The following HHIPL1 variants were observed in gnomAD, a reference collection of about 807,000 sequenced individuals.
The protein encoded by HHIPL1 is HHIP like 1.
Under a neutral mutation model 61.8 loss-of-function variants are expected in HHIPL1, and 43 were observed. That is an observed-to-expected ratio of 0.70 (90% CI 0.55 to 0.90). The LOEUF (loss-of-function observed/expected upper bound fraction) is 0.90. Ranked by LOEUF, HHIPL1 falls within the 40% of genes least tolerant of loss-of-function variation. HHIPL1 has a pLI of 0.00. For synonymous variants in HHIPL1, 482 were observed against 515.8 expected (o/e 0.93, Z 0.89); for missense variants, 1,056 against 1,157.7 (o/e 0.91, Z 1.28).
At chr14:99,631,041 G>A in the HHIPL1 span, among the ~76,000 whole-genome samples, 1 of 139,944 alleles carries the variant, frequency 7.1e-6, no homozygotes, top group African/African-American at 2.6e-5. Flanking sequence ...CATCTGCAGT[G>A]GCTCCATTTT....
chr14:99,652,905 G>A lies in HHIPL1; in HGVS notation c.902+35G>A, dbSNP rs757813297. ...TTGGGGAACCCGGGCCTGGGTGGGGGCAGGCACCCATATGCACTGGTGTGA... is the reference window on the plus strand; with the variant it reads ...TTGGGGAACCCGGGCCTGGGTGGGGACAGGCACCCATATGCACTGGTGTGA... On this transcript the variant is annotated intron_variant, in intron 2 of 8. Coordinates refer to ENST00000330710, the MANE Select transcript of HHIPL1 (RefSeq NM_001127258.3). 6.9e-6 allele frequency: 11 copies of A among 1,592,506 alleles called. No individual in the cohort carries two copies. In the East Asian group the frequency reaches 2.2e-4, roughly 32 times the overall value.
At chr14:99,620,473 G>T in the HHIPL1 span, among the ~76,000 whole-genome samples, 5 of 152,238 alleles carry the variant, frequency 3.3e-5, no homozygotes, top group Non-Finnish European at 5.9e-5. Flanking sequence ...CCAGGTCAGG[G>T]TCCCTGGCTG....
chr14:99,628,781 G>A, the HHIPL1 span, among the ~76,000 whole-genome samples: 1 of 152,028 alleles, frequency 6.6e-6, no homozygotes, highest in Non-Finnish European at 1.5e-5. Flanking sequence ...AGCTTCCTGT[G>A]TGGCCTCAGC....
the HHIPL1 span, among the ~76,000 whole-genome samples, chr14:99,608,051 T>C: frequency 6.6e-6 from 1 of 152,006 alleles, no homozygotes; most frequent in Non-Finnish European, 1.5e-5. Context: ...AAGGAGTTTG[T>C]CGTCTTGTGG....
chr14:99,668,292 T>G lies in HHIPL1; in HGVS notation c.1719T>G (p.Ile573Met), dbSNP rs760680479. The change falls in exon 7 of 9, where the codon ATT (isoleucine) becomes ATG (methionine). Residue 573 changes from isoleucine (I) to methionine (M), a missense_variant. Physicochemically the swap from Ile to Met is conservative, Grantham distance 10 (BLOSUM62 1). Coordinates refer to ENST00000330710, the MANE Select transcript of HHIPL1 (RefSeq NM_001127258.3). The surrounding 1 kb of genome is among the most constrained non-coding windows in gnomAD (Gnocchi z 4.7). The part of the protein sequence containing the change: ...TAPRGVVYKI[I>M]DASRRAPPGK... ...CACGCGGAGTTGTCTACAAAATAAT[T>G]GACGCATCCAGGTGAGTCCCAGCCT... is the stretch of plus-strand genomic sequence containing the variant. 1.1e-4 allele frequency: 172 copies of G among 1,608,026 alleles called. 1 individual carries two copies. The highest frequency in any genetic ancestry group is 1.4e-4 in the Non-Finnish European group (167 of 1,174,744).
At chr14:99,616,865 G>A in the HHIPL1 span, among the ~76,000 whole-genome samples, 17 of 152,144 alleles carry the variant, frequency 1.1e-4, no homozygotes, top group African/African-American at 9.6e-5. Flanking sequence ...GATCAGCCTT[G>A]TAAACCTTGC....
the HHIPL1 span, among the ~76,000 whole-genome samples, chr14:99,622,372 G>A: frequency 4.6e-5 from 7 of 152,184 alleles, no homozygotes; most frequent in African/African-American, 9.6e-5. Context: ...CCAGAGAGTC[G>A]TGGCCTCCCC....
chr14:99,671,616 G>A (rs1035409444), intron 7 of HHIPL1, among the ~76,000 whole-genome samples: 8 of 152,136 alleles, frequency 5.3e-5, no homozygotes, highest in East Asian at 1.9e-4. Flanking sequence ...ATCACAGATC[G>A]ACGGCCAAAA....
At chr14:99,669,979 A>G (rs1217385246) in intron 7 of HHIPL1, among the ~76,000 whole-genome samples, 1 of 152,218 alleles carries the variant, frequency 6.6e-6, no homozygotes, top group Non-Finnish European at 1.5e-5. Context: ...TGTAAAAACT[A>G]CAGTGTTTCC....
upstream of HHIPL1, among the ~76,000 whole-genome samples, chr14:99,640,329 G>A (rs1168913524): frequency 1.3e-5 from 2 of 152,236 alleles, no homozygotes; most frequent in Non-Finnish European, 2.9e-5. Context: ...CTGTCACCCA[G>A]GCTAGAGTGC....
chr14:99,623,399 T>C, the HHIPL1 span, among the ~76,000 whole-genome samples: 1 of 152,252 alleles, frequency 6.6e-6, no homozygotes, highest in South Asian at 2.1e-4. Context: ...AGTGGTGCAG[T>C]TGAGATGACA....
At chr14:99,641,241 G>A (rs2055747977), upstream of HHIPL1, among the ~76,000 whole-genome samples, 1 of 151,918 alleles carries the variant, frequency 6.6e-6, no homozygotes, top group South Asian at 2.1e-4. Context: ...TGCTGGTGAT[G>A]AATTTCTCCC....
At chr14:99,646,842 A>G (rs28725189) in intron 1 of HHIPL1, among the ~76,000 whole-genome samples, 1,270 of 96,754 alleles carry the variant, frequency 0.013, 21 homozygotes, top group African/African-American at 0.049. Flanking sequence ...GATATAATAT[A>G]ATATAATATA....
chr14:99,607,713 A>G, the HHIPL1 span, among the ~76,000 whole-genome samples: 2 of 152,030 alleles, frequency 1.3e-5, no homozygotes, highest in Admixed American at 1.3e-4. Flanking sequence ...CCAACCCCAG[A>G]GGCAGTACCA....
At chr14:99,606,540 G>A in the HHIPL1 span, among the ~76,000 whole-genome samples, 1,347 of 152,338 alleles carry the variant, frequency 8.8e-3, 17 homozygotes, top group African/African-American at 0.03. Context: ...CTCCCCGTTC[G>A]TGCATGGCTC....
At chr14:99,658,162 T>G (rs2056082850) in intron 3 of HHIPL1, among the ~76,000 whole-genome samples, 2 of 152,240 alleles carry the variant, frequency 1.3e-5, no homozygotes, top group African/African-American at 4.8e-5. Flanking sequence ...AGTGTAAGCA[T>G]CATCCCAGCT....
At chr14:99,663,107 G>A in intron 6 of HHIPL1, 86 bp downstream of exon 6, 2 of 1,326,990 alleles carry the variant, frequency 1.5e-6, no homozygotes, top group South Asian at 3.1e-5. Context: ...CTCTGATGTA[G>A]GGGAAGGACC....
chr14:99,675,830 G>A lies in HHIPL1; in HGVS notation c.*204G>A. 1 of 482,678 alleles carries A rather than the reference G, an allele frequency of 2.1e-6. No individual in the cohort carries two copies. The highest frequency in any genetic ancestry group is 3.5e-6 in the Non-Finnish European group (1 of 283,024). The allele number at this position is 482,678 out of a possible 1,614,324, so 29.9% of individuals were successfully genotyped here. On this transcript the variant is annotated 3_prime_UTR_variant, in exon 9 of 9. Transcript: ENST00000330710. The surrounding 1 kb of genome is among the most constrained non-coding windows in gnomAD (Gnocchi z 5.4). ...CAGGAGTGTGTGTTGGGGGCGGTGTGGGCTCTGGAAGTGCATGGTCCATCA... is the reference window on the plus strand; with the variant it reads ...CAGGAGTGTGTGTTGGGGGCGGTGTAGGCTCTGGAAGTGCATGGTCCATCA...
At chr14:99,641,424 T>C (rs965837429), upstream of HHIPL1, among the ~76,000 whole-genome samples, 7 of 151,758 alleles carry the variant, frequency 4.6e-5, no homozygotes, top group African/African-American at 9.7e-5. Flanking sequence ...TTCTTTCTTT[T>C]TTTTTTTTTC....
Sources: gnomAD v4.1 joint callset for allele counts (sites outside exome capture counted in the v4.1 genomes callset) on GRCh38, gnomAD v4.1.1 for gene constraint, Gnocchi (gnomAD v3.1) non-coding constraint, MANE v1.5 for transcripts, NCBI Gene and HGNC (gene_info 2026-07-23, HGNC 2026-07-21) for gene names.